The following PLA2G4D variants were observed in gnomAD, a reference collection of about 807,000 sequenced individuals.
PLA2G4D encodes the protein phospholipase A2 group IVD, also known as cytosolic phospholipase A2 delta.
A neutral mutation model predicts 94.4 loss-of-function variants in PLA2G4D; 80 were observed. The ratio of observed to expected loss-of-function variants is 0.85; its 90% CI spans 0.71 to 1.02. PLA2G4D has a LOEUF of 1.02. Ranked by LOEUF, PLA2G4D falls within the 50% of genes least tolerant of loss-of-function variation. The pLI is 0.00. For missense variants in PLA2G4D, 1,050 were observed against 1,034.7 expected (o/e 1.01, Z -0.20); for synonymous variants, 438 against 440.9 (o/e 0.99, Z 0.08).
At position 42,083,237 on chromosome 15, in the gene PLA2G4D, G is replaced by C. The variant is rs1283363075; in HGVS notation, c.633C>G (p.Tyr211Ter). ...LGTASAFRFH[Y>*]MAALETELSG... ...TCAGCTCTGTCTCTAGGGCTGCCAT[G>C]TAGTGGAAGCGGAAGGCAGAGGCTG... is the stretch of plus-strand genomic sequence containing the variant. The change falls in exon 8 of 20, where the codon TAC becomes TAG. Residue 211 changes from tyrosine (Y) to a stop codon, truncating the protein, a stop_gained. Transcript: ENST00000290472. LOFTEE classifies it high-confidence loss of function. The C allele has an allele frequency of 5.0e-6, 8 of 1,614,156 alleles. No individual in the cohort carries two copies. Among genetic ancestry groups the C allele is most frequent in the Non-Finnish European group, 6.8e-6 (8 of 1,180,000 alleles).
At position 42,088,992 on chromosome 15, in the gene PLA2G4D, C is replaced by T. The variant is rs1206876715; in HGVS notation, c.46-1292G>A. 5.3e-5 allele frequency among the ~76,000 whole-genome samples: 8 copies of T among 152,326 alleles called. No homozygotes were observed. The South Asian group carries it at 8.3e-4, about 16-fold the overall frequency. On this transcript the variant is annotated intron_variant, in intron 1 of 19. Transcript: ENST00000290472. Reference sequence around the variant, plus strand: ...ACCACCTTCATTCCAGAAAAAAACCCGTGCTGGGGCTTCTGCCATTCAGCG... The same window carrying T: ...ACCACCTTCATTCCAGAAAAAAACCTGTGCTGGGGCTTCTGCCATTCAGCG...
intron 13 of PLA2G4D, among the ~76,000 whole-genome samples, chr15:42,078,728 AC>A (rs1889975952): frequency 6.6e-6 from 1 of 152,128 alleles, no homozygotes; most frequent in Non-Finnish European, 1.5e-5. Flanking sequence ...TAAACCCCTG[AC>A]CCAAAGATAA....
chr15:42,081,277 A>C (rs1890032602), intron 11 of PLA2G4D, 144 bp from the exon 12 acceptor site: 1 of 1,443,690 alleles, frequency 6.9e-7, no homozygotes, highest in Non-Finnish European at 9.2e-7. Flanking sequence ...AGCTGGGTCC[A>C]GCCCTCCTCT....
In PLA2G4D at chr15:42,083,740, T is replaced by G; in HGVS notation, c.511A>C (p.Thr171Pro). 1.9e-6 allele frequency: 3 copies of G among 1,614,040 alleles called. No homozygotes were observed. Among genetic ancestry groups the G allele is most frequent in the Non-Finnish European group, 2.5e-6 (3 of 1,179,998 alleles). Residue 171 changes from threonine to proline, a missense_variant, in exon 7 of 20, where the codon ACA becomes CCA. Thr to Pro is a conservative substitution (Grantham distance 38). Coordinates refer to ENST00000290472, the MANE Select transcript of PLA2G4D (RefSeq NM_178034.4). ...LSCLDVHLDS[T>P]GSTAVVADQD... ...CCTGCAACCACAGCGGTGCTCCCTG[T>G]GCTGTCCAGATGCACATCCAGGCAT...
chr15:42,086,194 T>TTGGGGGGGGC lies in PLA2G4D; in HGVS notation c.387+18_387+19insGCCCCCCCCA. The stretch of plus-strand genomic sequence containing the variant: ...GGAAGAAGTGGGGCCCACGGGGACT[T>TTGGGGGGGGC]CCCCACCCACCCACCCACCTGGGGA... On this transcript the variant is annotated intron_variant, in intron 4 of 19. Transcript: ENST00000290472. 32 of 1,370,408 alleles carry TTGGGGGGGGC rather than the reference T, an allele frequency of 2.3e-5. No individual in the cohort carries two copies. The highest frequency in any genetic ancestry group is 2.7e-5 in the Non-Finnish European group (28 of 1,043,052). The allele number at this position is 1,370,408 out of a possible 1,614,324, so 84.9% of individuals were successfully genotyped here.
Position 42,086,194 on chromosome 15 carries a change from T to TTGGGGGGGGCCCCC in PLA2G4D, c.387+18_387+19insGGGGGCCCCCCCCA. Reference sequence around the variant, plus strand: ...GGAAGAAGTGGGGCCCACGGGGACTTCCCCACCCACCCACCCACCTGGGGA... The same window carrying TTGGGGGGGGCCCCC: ...GGAAGAAGTGGGGCCCACGGGGACTTTGGGGGGGGCCCCCCCCCACCCACCCACCCACCTGGGGA... On this transcript the variant is annotated intron_variant, in intron 4 of 19. Transcript: ENST00000290472. The TTGGGGGGGGCCCCC allele has an allele frequency of 2.2e-6, 3 of 1,370,444 alleles. No individual in the cohort carries two copies. Among genetic ancestry groups the TTGGGGGGGGCCCCC allele is most frequent in the Non-Finnish European group, 2.9e-6 (3 of 1,043,084 alleles). 84.9% of individuals were successfully genotyped at this position (1,370,444 alleles called of 1,614,324 possible).
At chr15:42,086,169 G>T in intron 4 of PLA2G4D, 44 bp downstream of exon 4, 2 of 1,531,144 alleles carry the variant, frequency 1.3e-6, no homozygotes, top group South Asian at 1.2e-5. Context: ...GCTTGGAGTT[G>T]GAAGAAGTGG....
At position 42,071,883 on chromosome 15, in the gene PLA2G4D, G is replaced by A. The variant is rs200945224; in HGVS notation, c.1464C>T (p.Val488=). The change falls in exon 15 of 20, where the codon GTC becomes GTT. Residue 488 remains valine, a synonymous_variant. Transcript: ENST00000290472. ...CGAAGGCCCCGTACTTCAGGAAACC[G>A]ACCTCATAGGGGGAGAACTCAACCC... The part of the protein sequence containing the change: ...KEWVEFSPYE[V]GFLKYGAFVP... 3.0e-5 allele frequency: 48 copies of A among 1,614,158 alleles called. No homozygotes were observed. The highest frequency in any genetic ancestry group is 8.9e-5 in the East Asian group (4 of 44,870).
At chr15:42,093,420 C>T (rs1052222209) in intron 1 of PLA2G4D, among the ~76,000 whole-genome samples, 29 of 152,348 alleles carry the variant, frequency 1.9e-4, no homozygotes, top group Admixed American at 5.9e-4. Context: ...ATTCCAGAAG[C>T]CTCCACAATG....
At chr15:42,078,499 T>C (rs1595593477) in intron 13 of PLA2G4D, among the ~76,000 whole-genome samples, 1 of 152,338 alleles carries the variant, frequency 6.6e-6, no homozygotes, top group East Asian at 1.9e-4. Flanking sequence ...GAGATTTGCA[T>C]AATGAATATG....
chr15:42,079,875 G>T (rs563253408), intron 12 of PLA2G4D, 116 bp from the exon 13 acceptor site: 2 of 941,630 alleles, frequency 2.1e-6, no homozygotes, highest in Non-Finnish European at 3.1e-6. Flanking sequence ...CCAAGGCTCT[G>T]CCGATCTGGT....
rs1216589412 is a variant in PLA2G4D at position 42,067,403 on chromosome 15, T to C, written c.*1312A>G. ...ACCATTTTTTTAATTTAGCCAAGTA[T>C]GGTGTTACATGCCTGTAGTCCCAGC... is the stretch of plus-strand genomic sequence containing the variant. On this transcript the variant is annotated 3_prime_UTR_variant, in exon 20 of 20. Coordinates refer to ENST00000290472, the MANE Select transcript of PLA2G4D (RefSeq NM_178034.4). The C allele has an allele frequency of 6.6e-6, 1 of 152,054 alleles. No individual in the cohort carries two copies. Among genetic ancestry groups the C allele is most frequent in the East Asian group, 1.9e-4 (1 of 5,198 alleles). The allele number at this position is 152,054 out of a possible 1,614,324, so 9.4% of individuals were successfully genotyped here.
intron 5 of PLA2G4D, 112 bp from the exon 6 acceptor site, chr15:42,085,250 T>G: frequency 1.5e-6 from 2 of 1,313,912 alleles, no homozygotes; most frequent in Non-Finnish European, 2.2e-6. Context: ...CTGGATTCGG[T>G]TCAGGGACAA....
In PLA2G4D at chr15:42,070,833, G is replaced by C; in HGVS notation, c.1927C>G (p.Leu643Val). 6.2e-7 allele frequency: 1 copy of C among 1,611,842 alleles called. No individual in the cohort carries two copies. The highest frequency in any genetic ancestry group is 8.5e-7 in the Non-Finnish European group (1 of 1,179,140). ...PSQLTPKEPRLCLVDAAYFIN... is the reference protein window; with the variant it reads ...PSQLTPKEPRVCLVDAAYFIN... ...AAGTAGGCGGCGTCCACCAGGCAGA[G>C]CCGGGGCTCCTTGGGGGTCAGCTGG... The change falls in exon 18 of 20, where the codon CTC becomes GTC. Residue 643 changes from leucine (L) to valine (V), a missense_variant. Coordinates refer to ENST00000290472, the MANE Select transcript of PLA2G4D (RefSeq NM_178034.4).
At position 42,072,375 on chromosome 15, in the gene PLA2G4D, C is replaced by T. The variant is rs774735000; in HGVS notation, c.1335G>A (p.Leu445=). 2.5e-6 allele frequency: 4 copies of T among 1,613,010 alleles called. No homozygotes were observed. Among genetic ancestry groups the T allele is most frequent in the East Asian group, 2.2e-5 (1 of 44,884 alleles). ...MLHGQVMDQK[L]SGQRAALERG... ...GTTCCAGGGCGGCTCTCTGTCCTGA[C>T]AGCTTCTGATCCATCACCTGGGGCC... Residue 445 remains leucine, a synonymous_variant, in exon 14 of 20, where the codon CTG becomes CTA. Transcript: ENST00000290472.
chr15:42,071,041 C>A, intron 17 of PLA2G4D, 82 bp downstream of exon 17: 1 of 1,557,328 alleles, frequency 6.4e-7, no homozygotes, highest in Non-Finnish European at 8.7e-7. Flanking sequence ...TGGATGCTGA[C>A]CTCCTAGGCC....
chr15:42,080,950 C>G, intron 12 of PLA2G4D, 47 bp downstream of exon 12: 1 of 1,599,138 alleles, frequency 6.3e-7, no homozygotes, highest in Non-Finnish European at 8.5e-7. Flanking sequence ...CTCTGCCCCG[C>G]TATGGCCCCT....
chr15:42,070,527 G>T (rs1194385550), intron 18 of PLA2G4D, 190 bp downstream of exon 18: 8 of 669,798 alleles, frequency 1.2e-5, no homozygotes, highest in South Asian at 2.1e-5. Flanking sequence ...TGTCCTGGGA[G>T]CCCAAGGCCC....
At chr15:42,072,093 C>T (rs1295887782) in intron 14 of PLA2G4D, among the ~76,000 whole-genome samples, 182 bp from the exon 15 acceptor site, 2 of 152,196 alleles carry the variant, frequency 1.3e-5, no homozygotes, top group East Asian at 3.9e-4. Context: ...GCCCTTGGTC[C>T]ACACCCTCAA....
Sources: gnomAD v4.1 joint callset for allele counts (sites outside exome capture counted in the v4.1 genomes callset) on GRCh38, gnomAD v4.1.1 for gene constraint, MANE v1.5 for transcripts, NCBI Gene and HGNC (gene_info 2026-07-23, HGNC 2026-07-21) for gene names.